Variants in DIAPH2 observed in about 807,000 individuals in gnomAD.
DIAPH2 encodes protein diaphanous homolog 2.
Under a neutral mutation model 92.7 loss-of-function variants are expected in DIAPH2, and 35 were observed. The observed-to-expected ratio is 0.38, with a 90% CI of 0.29 to 0.50. The LOEUF is 0.50. Among genes scored for constraint, DIAPH2 ranks in the 20% least tolerant of loss-of-function variants. DIAPH2 has a pLI of 0.94. For missense variants in DIAPH2, 701 were observed against 819.5 expected, an observed-to-expected ratio of 0.86 and a Z score of 1.77; for synonymous variants, 301 against 280.4, an observed-to-expected ratio of 1.07 and a Z score of -0.73.
intron 4 of DIAPH2, among the ~76,000 whole-genome samples, chrX:96,763,733 A>G (rs2064283611): frequency 9.0e-6 from 1 of 111,567 alleles, no homozygotes; most frequent in African/African-American, 3.2e-5. Flanking sequence ...TCAAGGCACT[A>G]TATTTCAGTG....
At chrX:97,470,220 C>T (rs1382616730) in intron 26 of DIAPH2, among the ~76,000 whole-genome samples, 1 of 111,539 alleles carries the variant, frequency 9.0e-6, no homozygotes, top group African/African-American at 3.3e-5. Context: ...TGCACACATA[C>T]ACACACACAT....
intron 21 of DIAPH2, among the ~76,000 whole-genome samples, chrX:97,122,356 G>A (rs1448385632): frequency 1.8e-5 from 2 of 111,574 alleles, no homozygotes; most frequent in African/African-American, 6.5e-5. Flanking sequence ...TAATTGTGGA[G>A]CTATCCCTTG....
chrX:97,458,283 TTTTTCTTTC>T (rs2070426823), intron 26 of DIAPH2, among the ~76,000 whole-genome samples: 1 of 107,876 alleles, frequency 9.3e-6, no homozygotes, highest in African/African-American at 3.4e-5. Flanking sequence ...TTCCATTTTC[TTTTTCTTTC>T]TTTTCTTTCG....
chrX:96,918,043 G>A (rs1427576329), intron 8 of DIAPH2, among the ~76,000 whole-genome samples: 2 of 109,887 alleles, frequency 1.8e-5, no homozygotes, highest in Non-Finnish European at 3.8e-5. Context: ...TTTTAAAATC[G>A]AATTTTCCTT....
chrX:96,849,371 G>A (rs1158869337), intron 4 of DIAPH2, among the ~76,000 whole-genome samples: 1 of 111,252 alleles, frequency 9.0e-6, no homozygotes, highest in Non-Finnish European at 1.9e-5. Context: ...TCGCCACGTT[G>A]ACCAGGCTGA....
In DIAPH2 at chrX:97,110,839, C is replaced by T. The variant is rs761217294; in HGVS notation, c.2350-3887C>T. 3.4e-3 allele frequency among the ~76,000 whole-genome samples: 382 copies of T among 110,918 alleles called. 2 individuals carry two copies. Among genetic ancestry groups the T allele is most frequent in the African/African-American group, 0.012 (365 of 30,457 alleles). ...TCTACTAAAAATATAAAAAATTAGCCGGGCATGGTGGCGGCTGCCTGTAGT... is the reference window on the plus strand; with the variant it reads ...TCTACTAAAAATATAAAAAATTAGCTGGGCATGGTGGCGGCTGCCTGTAGT... On this transcript the variant is annotated intron_variant, in intron 20 of 26. Coordinates refer to ENST00000324765, the MANE Select transcript of DIAPH2 (RefSeq NM_006729.5).
At chrX:97,320,203 A>G (rs957391620) in intron 23 of DIAPH2, among the ~76,000 whole-genome samples, 1 of 109,545 alleles carries the variant, frequency 9.1e-6, no homozygotes, top group Non-Finnish European at 1.9e-5. Flanking sequence ...CTGCTGCTAG[A>G]CATACTACTT....
chrX:96,865,263 G>A (rs746265536), intron 4 of DIAPH2, among the ~76,000 whole-genome samples: 1 of 111,617 alleles, frequency 9.0e-6, no homozygotes, highest in Non-Finnish European at 1.9e-5. Context: ...TCAGACCTTG[G>A]CGATGACCTT....
chrX:96,753,794 A>T (rs1030838767), intron 3 of DIAPH2, among the ~76,000 whole-genome samples: 1 of 112,225 alleles, frequency 8.9e-6, no homozygotes, highest in Non-Finnish European at 1.9e-5. Context: ...GTTCCAATTA[A>T]GGAGCTCTTA....
chrX:97,155,691 A>T (rs1423004776), intron 22 of DIAPH2, among the ~76,000 whole-genome samples: 1 of 111,456 alleles, frequency 9.0e-6, no homozygotes, highest in African/African-American at 3.3e-5. Context: ...TGGCATCCTT[A>T]TGAAAAATGC....
chrX:97,084,467 A>G (rs1416623975), intron 19 of DIAPH2, among the ~76,000 whole-genome samples: 2 of 111,127 alleles, frequency 1.8e-5, no homozygotes, highest in African/African-American at 6.5e-5. Flanking sequence ...TTTCTATGTT[A>G]ATGGAAAGAA....
intron 26 of DIAPH2, among the ~76,000 whole-genome samples, chrX:97,516,025 G>A (rs765295655): frequency 9.9e-5 from 11 of 110,557 alleles, no homozygotes; most frequent in South Asian, 7.9e-4. Context: ...AGGCGGAGGC[G>A]GGCGGATCAT....
chrX:97,297,357 T>G (rs759446758), intron 23 of DIAPH2, among the ~76,000 whole-genome samples: 121 of 109,827 alleles, frequency 1.1e-3, no homozygotes, highest in Middle Eastern at 9.3e-3. Flanking sequence ...AAAAACAATA[T>G]AACAATAGCA....
rs750095603 is a variant in DIAPH2, at chrX:96,845,336, TA to T, written c.448-36242del. On this transcript the variant is annotated intron_variant, in intron 4 of 26. Transcript: ENST00000324765. ...CACTGATTACCTTTGCCATAGACAC[TA>T]GATGACTACTTGATTAAAATAACAT... Among the ~76,000 whole-genome samples, 10 of 112,325 alleles carry T rather than the reference TA, an allele frequency of 8.9e-5. No homozygotes were observed. The East Asian group carries it at 2.8e-3, about 31-fold the overall frequency.
At chrX:96,756,210 CACA>C (rs2064228279) in intron 3 of DIAPH2, among the ~76,000 whole-genome samples, 1 of 110,416 alleles carries the variant, frequency 9.1e-6, no homozygotes, top group South Asian at 3.9e-4. Context: ...GTGAAACTAG[CACA>C]ACAACTTTGA....
At chrX:97,268,437 C>A (rs762237746) in intron 23 of DIAPH2, among the ~76,000 whole-genome samples, 2 of 112,014 alleles carry the variant, frequency 1.8e-5, no homozygotes, top group Admixed American at 9.5e-5. Flanking sequence ...CATCATTTCA[C>A]ATTTACTGTG....
intron 9 of DIAPH2, 69 bp downstream of exon 9, chrX:96,918,686 T>C (rs1368113886): frequency 1.3e-6 from 1 of 770,406 alleles, no homozygotes; most frequent in Non-Finnish European, 1.9e-6. Flanking sequence ...TGACATCAAC[T>C]CCATTTTAGC....
At chrX:97,588,617 A>C (rs1008686603) in intron 26 of DIAPH2, among the ~76,000 whole-genome samples, 3 of 110,808 alleles carry the variant, frequency 2.7e-5, no homozygotes, top group Non-Finnish European at 5.7e-5. Flanking sequence ...TTAAGACTTT[A>C]ACTTTTAGAA....
At chrX:97,218,328 G>A (rs749637161) in intron 22 of DIAPH2, among the ~76,000 whole-genome samples, 20 of 111,378 alleles carry the variant, frequency 1.8e-4, no homozygotes, top group African/African-American at 5.2e-4. Context: ...GACCTCAGGT[G>A]ATCTGCCTGC....
Sources: allele counts gnomAD v4.1 joint callset (sites outside exome capture counted in the v4.1 genomes callset), GRCh38; gene constraint gnomAD v4.1.1; transcripts MANE v1.5; gene names NCBI Gene and HGNC (gene_info 2026-07-23, HGNC 2026-07-21).